DNAH2: variants seen among roughly 807,000 people sequenced by gnomAD.
DNAH2 encodes axonemal beta dynein heavy chain 2.
A neutral mutation model predicts 523.5 loss-of-function variants in DNAH2; 323 were observed. That is an observed-to-expected ratio of 0.62 (90% confidence interval 0.56 to 0.68). The LOEUF (loss-of-function observed/expected upper bound fraction) is 0.68. DNAH2 is among the 30% of genes least tolerant of loss of function. The probability of loss-of-function intolerance (pLI) is 0.00; values close to 1 mark genes in which losing one functional copy is unlikely to be tolerated. For synonymous variants in DNAH2, 2,093 were observed against 2,177.4 expected (o/e 0.96, Z 1.08); for missense variants, 4,907 against 5,701.5 (o/e 0.86, Z 4.49).
Position 7,780,551 on chromosome 17 carries a change from T to A in DNAH2, c.5851-79T>A, listed in dbSNP as rs1236475196. On this transcript the variant is annotated intron_variant, in intron 37 of 85. Transcript: ENST00000572933. The surrounding 1 kb of genome is among the most constrained non-coding windows in gnomAD (Gnocchi z 4.4). ...GCTTCATGTCCTGGGACCTGGCTTC[T>A]TGTCTCTGACTGTCCTGAGATGAAG... 5.1e-6 allele frequency: 8 copies of A among 1,579,384 alleles called. No homozygotes were observed. Among genetic ancestry groups the A allele is most frequent in the Non-Finnish European group, 6.0e-6 (7 of 1,161,016 alleles).
chr17:7,732,497 C>T (rs16956939), intron 4 of DNAH2, among the ~76,000 whole-genome samples: 16,043 of 144,442 alleles, frequency 0.11, 974 homozygotes, highest in Non-Finnish European at 0.13. Context: ...AAAACCCAAA[C>T]GAAACAGGTG....
chr17:7,800,298 G>T (rs769066854), intron 56 of DNAH2, among the ~76,000 whole-genome samples: 1 of 152,142 alleles, frequency 6.6e-6, no homozygotes, highest in African/African-American at 2.4e-5. Flanking sequence ...TGATCCACCC[G>T]CCTTGGCATC....
chr17:7,772,176 G>A (rs1157484554), intron 28 of DNAH2, among the ~76,000 whole-genome samples: 1 of 152,086 alleles, frequency 6.6e-6, no homozygotes, highest in Admixed American at 6.6e-5. Context: ...TTTGACAGCG[G>A]GCACCTAGAA....
intron 35 of DNAH2, among the ~76,000 whole-genome samples, chr17:7,778,692 C>T (rs939513668): frequency 6.6e-6 from 1 of 152,098 alleles, no homozygotes; most frequent in Admixed American, 6.5e-5. Flanking sequence ...CCTCAGCCTC[C>T]TGAGTAGCTG....
Position 7,760,080 on chromosome 17 carries a change from C to A in DNAH2, c.2785+142C>A. 5 of 1,299,616 alleles carry A rather than the reference C, an allele frequency of 3.8e-6. No homozygotes were observed. In the South Asian group the frequency reaches 6.7e-5, roughly 17 times the overall value. 80.5% of individuals were successfully genotyped at this position (1,299,616 alleles called of 1,614,324 possible). On this transcript the variant is annotated intron_variant, in intron 17 of 85. Transcript: ENST00000572933. This position sits in a 1 kb window ranked among gnomAD's most constrained non-coding sequence, Gnocchi z 4.0. ...CCTGGGGAAAACTCAGGTCAAGGGG[C>A]CAGATCGGCTGGCACAGTGGCTTGT...
chr17:7,780,646 T>G lies in DNAH2; in HGVS notation c.5867T>G (p.Val1956Gly). ...FGNCKILAKK[V>G]YTLYSLAVQQ... is the part of the protein sequence containing the mutation. ...GTTCCCCAGATTCTGGCCAAGAAGG[T>G]GTACACACTCTACTCACTGGCTGTG... The change falls in exon 38 of 86, where the codon GTG becomes GGG. Residue 1956 changes from valine (V) to glycine (G), a missense_variant. By Grantham distance (109) the Val-to-Gly change is moderately radical. This residue lies in a region of DNAH2 where 2,806 missense variants were observed against 3,190.8 expected (regional missense o/e 0.88). Transcript: ENST00000572933. The surrounding 1 kb of genome is among the most constrained non-coding windows in gnomAD (Gnocchi z 4.4). 1 of 1,614,126 alleles carries G rather than the reference T, an allele frequency of 6.2e-7. No individual in the cohort carries two copies. The highest frequency in any genetic ancestry group is 8.5e-7 in the Non-Finnish European group (1 of 1,180,032).
At chr17:7,719,500 C>T (rs915482897) in intron 1 of DNAH2, among the ~76,000 whole-genome samples, 2 of 152,266 alleles carry the variant, frequency 1.3e-5, no homozygotes, top group South Asian at 2.1e-4. Context: ...GCCCAGTGCC[C>T]CGAAGACAGT....
At chr17:7,787,204 C>A in intron 42 of DNAH2, 171 bp downstream of exon 42, 1 of 817,342 alleles carries the variant, frequency 1.2e-6, no homozygotes, top group Non-Finnish European at 1.9e-6. Flanking sequence ...AAATGCTTTG[C>A]TTGCCGCGGC....
intron 56 of DNAH2, among the ~76,000 whole-genome samples, chr17:7,801,102 G>A (rs910218498): frequency 6.6e-6 from 1 of 151,744 alleles, no homozygotes; most frequent in African/African-American, 2.4e-5. Flanking sequence ...CGAACACGTG[G>A]GCTCAAGGAA....
At chr17:7,787,243 C>T (rs1198982583) in intron 42 of DNAH2, 4 of 664,292 alleles carry the variant, frequency 6.0e-6, no homozygotes, top group Non-Finnish European at 1.0e-5. Flanking sequence ...GAAAAACACC[C>T]TCTGTTGTAA....
Position 7,818,341 on chromosome 17 carries a change from A to G in DNAH2, c.10417A>G (p.Lys3473Glu), listed in dbSNP as rs1489033369. 2.5e-6 allele frequency: 4 copies of G among 1,614,030 alleles called. No individual in the cohort carries two copies. The highest frequency in any genetic ancestry group is 1.7e-5 in the Admixed American group (1 of 59,996). The change falls in exon 69 of 86, where the codon AAG becomes GAG. Residue 3473 changes from lysine to glutamate, a missense_variant. Transcript: ENST00000572933. ...GGRLLMRIGD[K>E]EVEYNTNFRF... ...TCGGCTGTTGATGCGCATTGGCGAT[A>G]AGGAGGTGGAATATAATACCAATTT...
At position 7,758,775 on chromosome 17, in the gene DNAH2, A is replaced by C. The variant is rs1002417977; in HGVS notation, c.2209-110A>C. 27 of 1,560,206 alleles carry C rather than the reference A, an allele frequency of 1.7e-5. No homozygotes were observed. The African/African-American group carries it at 3.2e-4, about 18-fold the overall frequency. On this transcript the variant is annotated intron_variant, in intron 14 of 85. Coordinates refer to ENST00000572933, the MANE Select transcript of DNAH2 (RefSeq NM_020877.5). ...AAGAATTAAGTTTGCTTGGGGAAGG[A>C]CTTTTTTGTGTGTCATCCAGTCTAG...
intron 58 of DNAH2, 123 bp from the exon 59 acceptor site, chr17:7,804,129 TGGGG>T: frequency 6.1e-5 from 54 of 889,438 alleles, no homozygotes; most frequent in South Asian, 2.3e-4. Flanking sequence ...ACCAGGATGG[TGGGG>T]GTAGTGTTGG....
intron 8 of DNAH2, chr17:7,738,789 G>A: frequency 1.7e-6 from 1 of 577,400 alleles, no homozygotes; most frequent in East Asian, 2.8e-5. Flanking sequence ...CTTGAGTCTT[G>A]TCCTTTGGGA....
At chr17:7,759,373 GC>G in intron 15 of DNAH2, 48 bp from the exon 16 acceptor site, 1 of 1,564,956 alleles carries the variant, frequency 6.4e-7, no homozygotes, top group South Asian at 1.2e-5. Flanking sequence ...CCCAGGATGT[GC>G]CCTGTCTTCC....
In DNAH2 at chr17:7,792,860, G is replaced by T; in HGVS notation, c.7344+5G>T. 1 of 1,609,274 alleles carries T rather than the reference G, an allele frequency of 6.2e-7. No individual in the cohort carries two copies. Among genetic ancestry groups the T allele is most frequent in the Non-Finnish European group, 8.5e-7 (1 of 1,175,870 alleles). ...GTTGTCAACATGTCCGCACAGGTGT[G>T]TCGGGGATCCAGGGGCCAGGCTGCC... On this transcript the variant is annotated splice_donor_5th_base_variant and intron_variant, in intron 47 of 85. Coordinates refer to ENST00000572933, the MANE Select transcript of DNAH2 (RefSeq NM_020877.5).
intron 16 of DNAH2, 30 bp from the exon 17 acceptor site, chr17:7,759,761 T>C: frequency 6.2e-7 from 1 of 1,613,862 alleles, no homozygotes; most frequent in South Asian, 1.1e-5. Context: ...CCTAAGGCTT[T>C]TCTCTCCATC....
rs565954680 is a variant in DNAH2, at chr17:7,722,147, C to T, written c.167-1481C>T. Among the ~76,000 whole-genome samples, 169 of 150,474 alleles carry T rather than the reference C, an allele frequency of 1.1e-3. 2 individuals carry two copies. The highest frequency in any genetic ancestry group is 3.4e-3 in the African/African-American group (138 of 40,774). ...CCGAGTAGCTGGAATTACAGGCACC[C>T]GCCACCATGCCTGGCTAATTTTTTG... On this transcript the variant is annotated intron_variant, in intron 2 of 85. Coordinates refer to ENST00000572933, the MANE Select transcript of DNAH2 (RefSeq NM_020877.5).
In DNAH2 at chr17:7,777,491, A is replaced by G. The variant is rs887182787; in HGVS notation, c.5104A>G (p.Thr1702Ala). ...KYSEAIRGNL[T>A]KIMRLKIVAL... ...TTCAGAAGCCATCAGGGGGAACTTG[A>G]CCAAGATCATGCGGCTTAAAATTGT... The change falls in exon 33 of 86, where the codon ACC (threonine) becomes GCC (alanine). Residue 1702 changes from threonine to alanine, a missense_variant. Physicochemically the swap from Thr to Ala is moderately conservative, Grantham distance 58. Transcript: ENST00000572933. 9.9e-6 allele frequency: 16 copies of G among 1,614,004 alleles called. No individual in the cohort carries two copies. Among genetic ancestry groups the G allele is most frequent in the African/African-American group, 1.3e-5 (1 of 74,906 alleles).
Sources: allele counts gnomAD v4.1 joint callset (sites outside exome capture counted in the v4.1 genomes callset), GRCh38; gene constraint gnomAD v4.1.1; regional missense constraint gnomAD v4.1.1; non-coding constraint Gnocchi (gnomAD v3.1); transcripts MANE v1.5; gene names NCBI Gene and HGNC (gene_info 2026-07-23, HGNC 2026-07-21).